The following SPNS2 variants were observed in gnomAD, a reference collection of about 807,000 sequenced individuals.
SPNS2 encodes SPNS lysolipid transporter 2, sphingosine-1-phosphate.
SPNS2 carries 37 observed loss-of-function variants against 57.6 expected under a neutral mutation model. The ratio of observed to expected loss-of-function variants is 0.64; its 90% confidence interval spans 0.49 to 0.85. The LOEUF (loss-of-function observed/expected upper bound fraction) is 0.85, where lower values mean the gene tolerates loss of function less well. Ranked by LOEUF, SPNS2 falls within the 40% of genes least tolerant of loss-of-function variation. The probability of loss-of-function intolerance (pLI) is 0.00; values close to 1 mark genes in which losing one functional copy is unlikely to be tolerated. For synonymous variants in SPNS2, 440 were observed against 346.9 expected (o/e 1.27, Z -2.98); for missense variants, 831 against 779.1 (o/e 1.07, Z -0.79).
rs1241007873 is a variant in SPNS2, at chr17:4,534,888, CG to C, written c.1344+1036del. Among the ~76,000 whole-genome samples, 9 of 152,216 alleles carry C rather than the reference CG, an allele frequency of 5.9e-5. No individual in the cohort carries two copies. In the South Asian group the frequency reaches 8.3e-4, roughly 14 times the overall value. On this transcript the variant is annotated intron_variant, in intron 9 of 12. Coordinates refer to ENST00000329078, the MANE Select transcript of SPNS2 (RefSeq NM_001124758.3). ...CTCTCCTGCCTCCACCCCCAGGGAG[CG>C]CCTGACAGCTGCCGGCAGGGTCAGG... is the stretch of plus-strand genomic sequence containing the variant.
At chr17:4,516,338 A>ACC (rs1904992040) in intron 2 of SPNS2, among the ~76,000 whole-genome samples, 4 of 124,284 alleles carry the variant, frequency 3.2e-5, no homozygotes, top group Non-Finnish European at 3.3e-5. Flanking sequence ...AAAAAAAAAA[A>ACC]AAAAACAAAA....
chr17:4,519,541 GGCCCTGCCCGCTCGGCCCTGGCTCCCT>G (rs1320778895), intron 2 of SPNS2, among the ~76,000 whole-genome samples: 2 of 148,246 alleles, frequency 1.3e-5, no homozygotes, highest in African/African-American at 2.5e-5. Flanking sequence ...CTGCTGTCAC[GGCCCTGCCCGCTCGGCCCTGGCTCCCT>G]GCCCTGCCTC....
At chr17:4,535,815 A>C (rs917305492) in intron 9 of SPNS2, among the ~76,000 whole-genome samples, 2 of 145,372 alleles carry the variant, frequency 1.4e-5, no homozygotes, top group Non-Finnish European at 1.5e-5. Context: ...CCCTGGGGTG[A>C]GGGTGACTGC....
intron 6 of SPNS2, 69 bp downstream of exon 6, chr17:4,532,753 A>G (rs1905551707): frequency 4.5e-6 from 7 of 1,560,350 alleles, no homozygotes; most frequent in Middle Eastern, 1.9e-4. Flanking sequence ...CTGTCCCTGC[A>G]GGGCAGCCCA....
rs755120993 is a variant in SPNS2, at chr17:4,533,110, C to A, written c.1069C>A (p.Pro357Thr). 6 of 1,611,354 alleles carry A rather than the reference C, an allele frequency of 3.7e-6. No individual in the cohort carries two copies. Among genetic ancestry groups the A allele is most frequent in the Non-Finnish European group, 5.1e-6 (6 of 1,178,916 alleles). The change falls in exon 7 of 13, where the codon CCC (proline) becomes ACC (threonine). Residue 357 changes from proline to threonine, a missense_variant. Physicochemically the swap from Pro to Thr is conservative, Grantham distance 38 (BLOSUM62 -1). Around this residue, in one of 2 missense-constraint regions of SPNS2, gnomAD observed 526 missense variants for 400.9 expected, o/e 1.31. Coordinates refer to ENST00000329078, the MANE Select transcript of SPNS2 (RefSeq NM_001124758.3). ...GACAGCAGAGACGTGCAACAGCCCG[C>A]CCTGTGGGGCCAAGGACAGGTGGGG... ...QKTAETCNSP[P>T]CGAKDSLIFG...
chr17:4,530,031 C>T (rs1286205341), intron 3 of SPNS2, among the ~76,000 whole-genome samples: 1 of 152,102 alleles, frequency 6.6e-6, no homozygotes, highest in Non-Finnish European at 1.5e-5. Flanking sequence ...GGAGCAGGTC[C>T]ACATCAAAGG....
intron 2 of SPNS2, among the ~76,000 whole-genome samples, chr17:4,520,268 C>T (rs1009795014): frequency 2.6e-5 from 4 of 152,334 alleles, no homozygotes; most frequent in East Asian, 3.9e-4. Context: ...GCCAGGAGTC[C>T]ACCTGCAGTC....
intron 1 of SPNS2, among the ~76,000 whole-genome samples, chr17:4,501,619 G>A (rs1003622347): frequency 6.6e-6 from 1 of 152,112 alleles, no homozygotes; most frequent in African/African-American, 2.4e-5. Flanking sequence ...GGATAAGCCT[G>A]GTTGCCCCTC....
intron 3 of SPNS2, among the ~76,000 whole-genome samples, chr17:4,529,666 A>T (rs182598057): frequency 6.8e-6 from 1 of 147,658 alleles, no homozygotes; most frequent in East Asian, 1.9e-4. Context: ...GGAAGACTCC[A>T]TCTGAAAAAA....
intron 2 of SPNS2, among the ~76,000 whole-genome samples, chr17:4,518,396 T>C (rs111277690): frequency 0.018 from 2,674 of 152,060 alleles, 84 homozygotes; most frequent in African/African-American, 0.061. Flanking sequence ...TGGTGGCGGG[T>C]GCCTGTAATC....
At chr17:4,517,386 G>A (rs146782494) in intron 2 of SPNS2, among the ~76,000 whole-genome samples, 4,827 of 152,306 alleles carry the variant, frequency 0.032, 98 homozygotes, top group Middle Eastern at 0.051. Context: ...GGCCAGGCGC[G>A]GTGGCTCACA....
chr17:4,519,594 C>G (rs1032892001), intron 2 of SPNS2, among the ~76,000 whole-genome samples: 1 of 152,264 alleles, frequency 6.6e-6, no homozygotes, highest in African/African-American at 2.4e-5. Flanking sequence ...TGTCCTAGAC[C>G]TGTGGGCTCA....
chr17:4,502,904 G>A (rs1190958108), intron 1 of SPNS2, among the ~76,000 whole-genome samples: 2 of 152,130 alleles, frequency 1.3e-5, no homozygotes, highest in African/African-American at 4.8e-5. Context: ...AACTCTAGTA[G>A]CTTCTGCCCC....
intron 1 of SPNS2, among the ~76,000 whole-genome samples, chr17:4,501,584 C>T (rs188931352): frequency 6.6e-6 from 1 of 152,334 alleles, no homozygotes; most frequent in Admixed American, 6.5e-5. Flanking sequence ...ACCCCCAACA[C>T]ACAACAGACA....
At position 4,537,475 on chromosome 17, in the gene SPNS2, C is replaced by G. The variant is rs534661340; in HGVS notation, c.*27C>G. Reference sequence around the variant, plus strand: ...CAGGTGCCATTGGGACAATGAAGAACCCACACTCCCACCTCGTCTGGGAGG... The same window carrying G: ...CAGGTGCCATTGGGACAATGAAGAAGCCACACTCCCACCTCGTCTGGGAGG... On this transcript the variant is annotated 3_prime_UTR_variant, in exon 13 of 13. Coordinates refer to ENST00000329078, the MANE Select transcript of SPNS2 (RefSeq NM_001124758.3). The G allele has an allele frequency of 2.6e-5, 12 of 455,976 alleles. No homozygotes were observed. The highest frequency in any genetic ancestry group is 2.0e-4 in the African/African-American group (10 of 50,222). The allele number at this position is 455,976 out of a possible 1,614,324, so 28.2% of individuals were successfully genotyped here. A position where few individuals can be genotyped will look rare whatever the true frequency, so the allele number is the denominator to read the frequency against.
chr17:4,505,745 G>C (rs572063048), intron 1 of SPNS2, among the ~76,000 whole-genome samples: 1 of 152,156 alleles, frequency 6.6e-6, no homozygotes, highest in Non-Finnish European at 1.5e-5. Context: ...GGAGAGCATC[G>C]GCATCGGGGC....
intron 1 of SPNS2, among the ~76,000 whole-genome samples, chr17:4,502,658 C>T (rs1042649764): frequency 3.3e-5 from 5 of 152,156 alleles, no homozygotes; most frequent in African/African-American, 1.2e-4. Flanking sequence ...GCCTGCCTCC[C>T]GGGTTGCGTG....
chr17:4,507,916 G>C (rs1238513128), intron 1 of SPNS2, among the ~76,000 whole-genome samples: 1 of 152,230 alleles, frequency 6.6e-6, no homozygotes, highest in East Asian at 1.9e-4. Context: ...TTGGCCTTTC[G>C]AGGATTCTGT....
chr17:4,506,834 C>T (rs1240037877), intron 1 of SPNS2, among the ~76,000 whole-genome samples: 2 of 151,574 alleles, frequency 1.3e-5, no homozygotes, highest in Non-Finnish European at 3.0e-5. Context: ...AGTAGGGGAC[C>T]AGCAGATGTA....
Sources: allele counts gnomAD v4.1 joint callset (sites outside exome capture counted in the v4.1 genomes callset), GRCh38; gene constraint gnomAD v4.1.1; regional missense constraint gnomAD v4.1.1; transcripts MANE v1.5; gene names NCBI Gene and HGNC (gene_info 2026-07-23, HGNC 2026-07-21).